The following PPM1B variants were observed in gnomAD, a reference collection of about 807,000 sequenced individuals.
PPM1B encodes protein phosphatase 1B.
PPM1B carries 22 observed loss-of-function variants against 43.0 expected under a neutral mutation model. That is an observed-to-expected ratio of 0.51 (90% CI 0.37 to 0.73). The LOEUF (loss-of-function observed/expected upper bound fraction) is 0.73. Ranked by LOEUF, PPM1B falls within the 30% of genes least tolerant of loss-of-function variation. The pLI is 0.00. For missense variants in PPM1B, 632 were observed against 584.2 expected, an observed-to-expected ratio of 1.08 and a Z score of -0.84; for synonymous variants, 217 against 197.9, an observed-to-expected ratio of 1.10 and a Z score of -0.81.
At chr2:44,234,571 G>T, downstream of PPM1B, 9 of 985,212 alleles carry the variant, frequency 9.1e-6, no homozygotes, top group Non-Finnish European at 9.6e-6. Context: ...CAGGGTGGGG[G>T]TTACTGGTGC....
intron 5 of PPM1B, among the ~76,000 whole-genome samples, chr2:44,242,036 T>G (rs927572643): frequency 2.6e-5 from 4 of 151,776 alleles, no homozygotes; most frequent in African/African-American, 4.8e-5. Flanking sequence ...TTTTTTGTAT[T>G]TTTAGTAGAG....
At chr2:44,171,018 A>G (rs146507957) in intron 1 of PPM1B, among the ~76,000 whole-genome samples, 2 of 152,226 alleles carry the variant, frequency 1.3e-5, no homozygotes, top group East Asian at 3.9e-4. Flanking sequence ...AAGTCTTACA[A>G]CAGTTTCTGC....
At position 44,218,473 on chromosome 2, in the gene PPM1B, T is replaced by TG; in HGVS notation, c.1077-7_1077-6insG. On this transcript the variant is annotated splice_polypyrimidine_tract_variant and splice_region_variant and intron_variant, in intron 4 of 5. Coordinates refer to ENST00000282412, the MANE Select transcript of PPM1B (RefSeq NM_002706.6). Reference sequence around the variant, plus strand: ...TAATAAAACTAAAGCATGTTTTTTTTTTTTAGGCGTAATGTTATTGAAGCT... The same window carrying TG: ...TAATAAAACTAAAGCATGTTTTTTTTGTTTTAGGCGTAATGTTATTGAAGCT... 1.3e-6 allele frequency: 2 copies of TG among 1,573,264 alleles called. No individual in the cohort carries two copies. The highest frequency in any genetic ancestry group is 1.7e-6 in the Non-Finnish European group (2 of 1,161,308).
In PPM1B at chr2:44,218,029, T is replaced by A. The variant is rs754165328; in HGVS notation, c.1027T>A (p.Ser343Thr). 1 of 1,613,310 alleles carries A rather than the reference T, an allele frequency of 6.2e-7. No homozygotes were observed. The highest frequency in any genetic ancestry group is 8.5e-7 in the Non-Finnish European group (1 of 1,179,770). The change falls in exon 4 of 6, where the codon TCT becomes ACT. Residue 343 changes from serine to threonine, a missense_variant. Coordinates refer to ENST00000282412, the MANE Select transcript of PPM1B (RefSeq NM_002706.6). The stretch of plus-strand genomic sequence containing the variant: ...TCTTGCCCATGTCATGCGCATCTTG[T>A]CTGCAGAAAATATCCCAAATTTGCC... ...PDLAHVMRIL[S>T]AENIPNLPPG...
chr2:44,180,210 TTTTGCTTAATCTTGATCTTTC>T (rs1236228771), intron 1 of PPM1B, among the ~76,000 whole-genome samples: 1 of 152,148 alleles, frequency 6.6e-6, no homozygotes, highest in Non-Finnish European at 1.5e-5. Flanking sequence ...TCTCCCTTTG[TTTTGCTTAATCTTGATCTTTC>T]TTTCCTCACT....
chr2:44,229,149 T>A (rs1054711708), intron 5 of PPM1B, among the ~76,000 whole-genome samples: 2 of 148,872 alleles, frequency 1.3e-5, no homozygotes, highest in Non-Finnish European at 3.0e-5. Context: ...GCCATTGCCC[T>A]CCAGCCTGGG....
intron 1 of PPM1B, among the ~76,000 whole-genome samples, chr2:44,178,831 TC>T (rs1459492557): frequency 6.6e-6 from 1 of 152,228 alleles, no homozygotes; most frequent in African/African-American, 2.4e-5. Flanking sequence ...TTTAAATTTT[TC>T]TAGTAGCCAC....
intron 3 of PPM1B, 125 bp downstream of exon 3, chr2:44,209,452 A>C: frequency 9.3e-7 from 1 of 1,071,018 alleles, no homozygotes; most frequent in Non-Finnish European, 1.3e-6. Flanking sequence ...AAATTTAGAG[A>C]GGGAAAGTAT....
chr2:44,232,690 T>G (rs1302957746), downstream of PPM1B: 10 of 1,042,238 alleles, frequency 9.6e-6, no homozygotes, highest in Non-Finnish European at 1.2e-5. Context: ...TGAAAATACA[T>G]TATGTTTTTT....
intron 2 of PPM1B, among the ~76,000 whole-genome samples, chr2:44,203,545 A>AT (rs1326664479): frequency 6.6e-6 from 1 of 152,042 alleles, no homozygotes; most frequent in Non-Finnish European, 1.5e-5. Flanking sequence ...AACACCCAAA[A>AT]TTTTGCCATC....
intron 5 of PPM1B, among the ~76,000 whole-genome samples, chr2:44,225,316 AATAG>A (rs1436904089): frequency 6.6e-6 from 1 of 152,200 alleles, no homozygotes; most frequent in Non-Finnish European, 1.5e-5. Flanking sequence ...TAATTGCTAT[AATAG>A]ATGTGTAAAA....
At position 44,169,287 on chromosome 2, in the gene PPM1B, G is replaced by C. The variant is rs914646949; in HGVS notation, c.-15+13G>C. 1 of 152,478 alleles carries C rather than the reference G, an allele frequency of 6.6e-6. No homozygotes were observed. Among genetic ancestry groups the C allele is most frequent in the Non-Finnish European group, 1.5e-5 (1 of 68,144 alleles). The allele number at this position is 152,478 out of a possible 1,614,324, so 9.4% of individuals were successfully genotyped here. On this transcript the variant is annotated intron_variant, in intron 1 of 5. Transcript: ENST00000282412. Reference sequence around the variant, plus strand: ...TCCCTTGCCTCAGGTAAGGCCGCCCGGCACCCCGCCGGAGGGGAAGCGGCT... The same window carrying C: ...TCCCTTGCCTCAGGTAAGGCCGCCCCGCACCCCGCCGGAGGGGAAGCGGCT...
rs1444577176 is a variant in PPM1B, at chr2:44,185,188, A to C, written c.-15+15914A>C. On this transcript the variant is annotated intron_variant, in intron 1 of 5. Coordinates refer to ENST00000282412, the MANE Select transcript of PPM1B (RefSeq NM_002706.6). ...TCTTTGATTTCTAGTTTCTTTCAGC[A>C]TTGTTAATGAGATTCATCTAAGTTC... is the stretch of plus-strand genomic sequence containing the variant. Among the ~76,000 whole-genome samples, 4 of 152,020 alleles carry C rather than the reference A, an allele frequency of 2.6e-5. No homozygotes were observed. In the East Asian group the frequency reaches 7.7e-4, roughly 29 times the overall value.
intron 1 of PPM1B, among the ~76,000 whole-genome samples, chr2:44,181,214 G>T (rs1209143771): frequency 6.6e-6 from 1 of 152,116 alleles, no homozygotes; most frequent in Middle Eastern, 3.2e-3. Flanking sequence ...CTCCAGAAGT[G>T]CTGGGATTAC....
chr2:44,235,572 C>CATGG (rs1205822223), downstream of PPM1B, among the ~76,000 whole-genome samples: 3 of 140,334 alleles, frequency 2.1e-5, no homozygotes. Flanking sequence ...CATTGCACTC[C>CATGG]AGCCTGGGCA....
At chr2:44,238,044 G>T (rs1163677820), downstream of PPM1B, among the ~76,000 whole-genome samples, 1 of 152,088 alleles carries the variant, frequency 6.6e-6, no homozygotes, top group African/African-American at 2.4e-5. Flanking sequence ...GGGATTACAG[G>T]TGTCCACCAC....
At chr2:44,225,976 CTTTT>C (rs36013751) in intron 5 of PPM1B, among the ~76,000 whole-genome samples, 1 of 132,672 alleles carries the variant, frequency 7.5e-6, no homozygotes, top group African/African-American at 2.8e-5. Context: ...TTTAGTATGT[CTTTT>C]TTTTTTTTTT....
chr2:44,200,444 T>C (rs1298563959), intron 1 of PPM1B, among the ~76,000 whole-genome samples: 2 of 152,216 alleles, frequency 1.3e-5, no homozygotes, highest in East Asian at 1.9e-4. Context: ...TAAGTCTTTG[T>C]CAGTCAACAC....
chr2:44,210,234 T>G (rs1669395629), intron 3 of PPM1B, among the ~76,000 whole-genome samples: 1 of 140,792 alleles, frequency 7.1e-6, no homozygotes, highest in African/African-American at 2.8e-5. Flanking sequence ...TTTTTTTTTT[T>G]GAGATAGGGT....
Sources: allele counts gnomAD v4.1 joint callset (sites outside exome capture counted in the v4.1 genomes callset), GRCh38; gene constraint gnomAD v4.1.1; transcripts MANE v1.5; gene names NCBI Gene and HGNC (gene_info 2026-07-23, HGNC 2026-07-21).